The following RGS17 variants were observed in gnomAD, a reference collection of about 807,000 sequenced individuals.
The protein encoded by RGS17 is regulator of G protein signaling 17.
Under a neutral mutation model 25.5 loss-of-function variants are expected in RGS17, and 12 were observed. The ratio of observed to expected loss-of-function variants is 0.47; its 90% CI spans 0.30 to 0.76. The LOEUF is 0.76. Among genes scored for constraint, RGS17 ranks in the 30% least tolerant of loss-of-function variants. RGS17 has a pLI of 0.07. For synonymous variants in RGS17, 71 were observed against 76.9 expected (o/e 0.92, Z 0.40); for missense variants, 196 against 242.2 (o/e 0.81, Z 1.27).
At chr6:153,012,424 G>T (rs1779143536) in intron 4 of RGS17, among the ~76,000 whole-genome samples, 2 of 152,190 alleles carry the variant, frequency 1.3e-5, no homozygotes, top group African/African-American at 2.4e-5. Context: ...ATAGGAATAG[G>T]AATGCAGAAT....
intron 2 of RGS17, among the ~76,000 whole-genome samples, chr6:153,029,354 A>G (rs548630797): frequency 4.3e-4 from 66 of 152,352 alleles, no homozygotes; most frequent in Non-Finnish European, 7.8e-4. Flanking sequence ...AGAGAAATGG[A>G]GAAAATAGAC....
At chr6:153,066,043 AAG>A (rs1008427626) in intron 1 of RGS17, among the ~76,000 whole-genome samples, 3 of 152,164 alleles carry the variant, frequency 2.0e-5, no homozygotes, top group African/African-American at 7.2e-5. Flanking sequence ...TAGCTAGACT[AAG>A]AAAAAAAGAG....
At chr6:153,057,184 T>C (rs1180316377) in intron 1 of RGS17, among the ~76,000 whole-genome samples, 1 of 151,202 alleles carries the variant, frequency 6.6e-6, no homozygotes, top group Non-Finnish European at 1.5e-5. Flanking sequence ...TATTTTGATA[T>C]ATATTATATA....
intron 1 of RGS17, among the ~76,000 whole-genome samples, chr6:153,088,045 TTG>T (rs201284787): frequency 0.026 from 3,997 of 152,310 alleles, 73 homozygotes; most frequent in Middle Eastern, 0.068. Context: ...ATTCCTCACT[TTG>T]TCATTTCATG....
intron 1 of RGS17, among the ~76,000 whole-genome samples, chr6:153,109,158 CAGCT>C (rs969341527): frequency 9.4e-5 from 13 of 137,732 alleles, no homozygotes; most frequent in Admixed American, 3.6e-4. Context: ...GAAAAATCTG[CAGCT>C]AAACGCCATT....
intron 1 of RGS17, among the ~76,000 whole-genome samples, chr6:153,097,546 T>A (rs1404684827): frequency 6.6e-6 from 1 of 151,970 alleles, no homozygotes; most frequent in Non-Finnish European, 1.5e-5. Context: ...AGCCAAAGGA[T>A]CCTTGGAAGC....
intron 1 of RGS17, among the ~76,000 whole-genome samples, chr6:153,048,053 C>T (rs1776406916): frequency 6.6e-6 from 1 of 152,164 alleles, no homozygotes; most frequent in Admixed American, 6.5e-5. Flanking sequence ...TACCAGCTTT[C>T]TGCACAAAAT....
chr6:153,036,103 G>C (rs1441687641), intron 2 of RGS17, among the ~76,000 whole-genome samples: 1 of 152,078 alleles, frequency 6.6e-6, no homozygotes, highest in Non-Finnish European at 1.5e-5. Context: ...ACTCAGGCTT[G>C]AGTGCAGTCA....
intron 1 of RGS17, among the ~76,000 whole-genome samples, chr6:153,065,434 T>C (rs141285903): frequency 3.3e-5 from 5 of 152,328 alleles, no homozygotes; most frequent in East Asian, 1.9e-4. Flanking sequence ...TAATCTGCAC[T>C]ATAGACCAAA....
chr6:153,020,111 A>ATAT (rs1554235102), intron 4 of RGS17, among the ~76,000 whole-genome samples: 81 of 58,422 alleles, frequency 1.4e-3, no homozygotes, highest in East Asian at 0.011. Flanking sequence ...AAAAAAAAAA[A>ATAT]ATATATATAT....
At chr6:153,109,662 A>G (rs1777438875) in intron 1 of RGS17, among the ~76,000 whole-genome samples, 1 of 152,240 alleles carries the variant, frequency 6.6e-6, no homozygotes. Context: ...GAAAAAAACA[A>G]TTTGTAACAT....
At chr6:153,078,060 G>A (rs12209140) in intron 1 of RGS17, among the ~76,000 whole-genome samples, 79,210 of 151,780 alleles carry the variant, frequency 0.52, 21,115 homozygotes, top group Non-Finnish European at 0.57. Flanking sequence ...TTTTAGTGGA[G>A]AAGGCGATTC....
chr6:153,076,980 GA>G (rs199847483), intron 1 of RGS17, among the ~76,000 whole-genome samples: 20,789 of 151,894 alleles, frequency 0.14, 1,688 homozygotes, highest in Admixed American at 0.2. Flanking sequence ...AGTTATAAGG[GA>G]AAAAAATGTA....
chr6:153,018,297 A>AT (rs1331685639), intron 4 of RGS17, among the ~76,000 whole-genome samples: 4 of 152,218 alleles, frequency 2.6e-5, no homozygotes, highest in African/African-American at 7.2e-5. Context: ...AGCATGGTAT[A>AT]TTTGGAAAAG....
rs1024389022 is a variant in RGS17, at chr6:153,041,717, C to G, written c.119+2183G>C. 2.6e-5 allele frequency among the ~76,000 whole-genome samples: 4 copies of G among 152,132 alleles called. No homozygotes were observed. The East Asian group carries it at 5.8e-4, about 22-fold the overall frequency. On this transcript the variant is annotated intron_variant, in intron 2 of 4. Transcript: ENST00000206262. ...GAGCACTAGAAGTCTATTCCTCAAC[C>G]CTGTGTAACAATATATTGGTGATGT...
At chr6:153,029,048 A>C (rs1308957132) in intron 2 of RGS17, among the ~76,000 whole-genome samples, 1 of 152,188 alleles carries the variant, frequency 6.6e-6, no homozygotes, top group Non-Finnish European at 1.5e-5. Context: ...AAATGCTACC[A>C]TATTAGAGCG....
chr6:153,093,627 G>T (rs1777163650), intron 1 of RGS17, among the ~76,000 whole-genome samples: 1 of 152,172 alleles, frequency 6.6e-6, no homozygotes, highest in Non-Finnish European at 1.5e-5. Flanking sequence ...GGTTCCTAAG[G>T]GGGAGGATAA....
intron 4 of RGS17, among the ~76,000 whole-genome samples, chr6:153,014,213 A>G (rs1400725131): frequency 1.3e-5 from 2 of 152,184 alleles, no homozygotes; most frequent in Non-Finnish European, 2.9e-5. Flanking sequence ...GAATTATGCT[A>G]AATCTACTCT....
chr6:153,119,830 C>T (rs1777600258), intron 1 of RGS17, among the ~76,000 whole-genome samples: 1 of 152,196 alleles, frequency 6.6e-6, no homozygotes, highest in South Asian at 2.1e-4. Context: ...GGGCACTGCA[C>T]ATATTATCTC....
Sources: allele counts gnomAD v4.1 joint callset (sites outside exome capture counted in the v4.1 genomes callset), GRCh38; gene constraint gnomAD v4.1.1; transcripts MANE v1.5; gene names NCBI Gene and HGNC (gene_info 2026-07-23, HGNC 2026-07-21).